Variants in DNAJC12 observed in about 807,000 individuals in gnomAD.
DNAJC12 encodes the protein DnaJ heat shock protein family (Hsp40) member C12.
A neutral mutation model predicts 28.5 loss-of-function variants in DNAJC12; 25 were observed. The observed-to-expected ratio is 0.88, with a 90% confidence interval of 0.64 to 1.22. DNAJC12 has a LOEUF of 1.22. DNAJC12 is among the 50% of genes most tolerant of loss of function. The pLI, the probability that DNAJC12 is intolerant of heterozygous loss-of-function variation, is 0.00. For missense variants in DNAJC12, 222 were observed against 231.7 expected (o/e 0.96, Z 0.27); for synonymous variants, 77 against 80.6 (o/e 0.95, Z 0.24).
At chr10:67,815,189 G>T (rs910834472) in intron 2 of DNAJC12, among the ~76,000 whole-genome samples, 8 of 152,176 alleles carry the variant, frequency 5.3e-5, no homozygotes, top group African/African-American at 1.9e-4. Context: ...GTTGATATGT[G>T]CTACAACATG....
intron 2 of DNAJC12, 23 bp downstream of exon 2, chr10:67,823,291 A>G: frequency 6.2e-7 from 1 of 1,606,434 alleles, no homozygotes; most frequent in Non-Finnish European, 8.5e-7. Context: ...TTTCTTGAGA[A>G]GTAGCCTTTA....
chr10:67,801,393 C>T (rs568073811), intron 4 of DNAJC12, among the ~76,000 whole-genome samples: 1 of 152,268 alleles, frequency 6.6e-6, no homozygotes, highest in East Asian at 1.9e-4. Context: ...AGCTTTAAGG[C>T]ACTAGTCAGA....
intron 3 of DNAJC12, among the ~76,000 whole-genome samples, chr10:67,807,478 T>C (rs997767052): frequency 2.0e-5 from 3 of 151,764 alleles, no homozygotes; most frequent in Non-Finnish European, 4.4e-5. Flanking sequence ...AAAGAGGCAA[T>C]GCCTCAGCTG....
intron 1 of DNAJC12, among the ~76,000 whole-genome samples, chr10:67,826,349 GT>G (rs1235497828): frequency 1.3e-5 from 2 of 151,068 alleles, no homozygotes; most frequent in African/African-American, 4.9e-5. Flanking sequence ...GTCCAGGCTG[GT>G]CTTGAACTCC....
rs1187518434 is a variant in DNAJC12, at chr10:67,826,765, TCTAATGATATATAATATATATCATTAG to T, written c.79-3400_79-3374del. ...AATATATATCATTATATATCTGATATCTAATGATATATAATATATATCATTAGATATCAGATATATAATGATATATAT... is the reference window on the plus strand; with the variant it reads ...AATATATATCATTATATATCTGATATATATCAGATATATAATGATATATAT... On this transcript the variant is annotated intron_variant, in intron 1 of 4. Transcript: ENST00000225171. 2.5e-5 allele frequency among the ~76,000 whole-genome samples: 3 copies of T among 118,460 alleles called. No individual in the cohort carries two copies. In the East Asian group the frequency reaches 7.0e-4, roughly 28 times the overall value. The allele number at this position is 118,460 out of a possible 152,430, so 77.7% of individuals were successfully genotyped here.
chr10:67,836,624 A>G (rs10762180), intron 1 of DNAJC12, among the ~76,000 whole-genome samples: 150,970 of 152,212 alleles, frequency 0.99, 74,890 homozygotes, highest in East Asian at 1. Flanking sequence ...ATAAACAAGA[A>G]TAACACATTC....
intron 1 of DNAJC12, among the ~76,000 whole-genome samples, chr10:67,830,084 C>T (rs780109769): frequency 1.3e-5 from 2 of 151,978 alleles, no homozygotes; most frequent in African/African-American, 4.8e-5. Flanking sequence ...GATGCTGAGG[C>T]GGGCAGATCA....
At position 67,805,573 on chromosome 10, in the gene DNAJC12, C is replaced by T. The variant is rs750587252; in HGVS notation, c.502+10G>A. On this transcript the variant is annotated intron_variant, in intron 4 of 4. Coordinates refer to ENST00000225171, the MANE Select transcript of DNAJC12 (RefSeq NM_021800.3). ...CCTTCTCCATTCTGCAGTTATATAA[C>T]GTGACTTACCTGAAGAATCTGAATT... 10 of 1,596,812 alleles carry T rather than the reference C, an allele frequency of 6.3e-6. No individual in the cohort carries two copies. The highest frequency in any genetic ancestry group is 5.7e-5 in the South Asian group (5 of 87,582).
intron 2 of DNAJC12, among the ~76,000 whole-genome samples, chr10:67,819,005 T>A (rs1167455136): frequency 6.6e-6 from 1 of 152,150 alleles, no homozygotes; most frequent in Admixed American, 6.5e-5. Flanking sequence ...TTAACTCCAG[T>A]TCAGACAGGT....
chr10:67,797,087 T>A lies in DNAJC12; in HGVS notation c.*29A>T. On this transcript the variant is annotated 3_prime_UTR_variant, in exon 5 of 5. Coordinates refer to ENST00000225171, the MANE Select transcript of DNAJC12 (RefSeq NM_021800.3). ...TTGGCAGCATAGGGGACAGTCTTGC[T>A]CTTCCTCATTTTTTGAAGCAGAGAT... 1 of 1,581,518 alleles carries A rather than the reference T, an allele frequency of 6.3e-7. No individual in the cohort carries two copies.
At chr10:67,821,775 C>T (rs191237003) in intron 2 of DNAJC12, among the ~76,000 whole-genome samples, 12 of 152,166 alleles carry the variant, frequency 7.9e-5, no homozygotes, top group African/African-American at 2.4e-4. Flanking sequence ...AGCAATGGCA[C>T]CCAGCATGAA....
chr10:67,814,220 T>C (rs1054576265), intron 2 of DNAJC12, among the ~76,000 whole-genome samples: 1 of 152,074 alleles, frequency 6.6e-6, no homozygotes, highest in Non-Finnish European at 1.5e-5. Context: ...TTACAGTCAA[T>C]TGATTTCAAC....
intron 2 of DNAJC12, 96 bp from the exon 3 acceptor site, chr10:67,811,759 A>C (rs995168946): frequency 8.3e-5 from 125 of 1,510,848 alleles, no homozygotes; most frequent in Non-Finnish European, 1.0e-4. Flanking sequence ...CATGACTGCC[A>C]CTTAATAGCT....
In DNAJC12 at chr10:67,819,683, AAAGAAAG is replaced by A. The variant is rs1169588910; in HGVS notation, c.157+3624_157+3630del. 3.5e-4 allele frequency among the ~76,000 whole-genome samples: 4 copies of A among 11,378 alleles called. 1 individual carries two copies. The East Asian group carries it at 5.5e-3, about 16-fold the overall frequency. 7.5% of individuals were successfully genotyped at this position (11,378 alleles called of 152,430 possible). A position where few individuals can be genotyped will look rare whatever the true frequency, so the allele number is the denominator to read the frequency against. On this transcript the variant is annotated intron_variant, in intron 2 of 4. Coordinates refer to ENST00000225171, the MANE Select transcript of DNAJC12 (RefSeq NM_021800.3). ...AAGAGAAAGAAAGAAAGAAAGAAAG[AAAGAAAG>A]AAAGAAAGGAAGGAAGGAAGGAAGG...
intron 4 of DNAJC12, among the ~76,000 whole-genome samples, chr10:67,804,188 C>T (rs115012451): frequency 0.023 from 3,449 of 152,240 alleles, 138 homozygotes; most frequent in African/African-American, 0.079. Flanking sequence ...TGTGTATATA[C>T]AACACATCCA....
At chr10:67,806,875 A>C (rs778734858) in intron 3 of DNAJC12, among the ~76,000 whole-genome samples, 39 of 151,614 alleles carry the variant, frequency 2.6e-4, no homozygotes, top group Non-Finnish European at 3.5e-4. Context: ...CCAAAATATA[A>C]CTGTAGTTAT....
intron 3 of DNAJC12, among the ~76,000 whole-genome samples, chr10:67,807,802 T>C (rs1007258856): frequency 3.9e-5 from 6 of 152,348 alleles, no homozygotes; most frequent in Admixed American, 6.5e-5. Flanking sequence ...GATTAATGTC[T>C]AATCCACAGT....
At chr10:67,797,611 AT>A (rs1004402293) in intron 4 of DNAJC12, among the ~76,000 whole-genome samples, 75 of 151,864 alleles carry the variant, frequency 4.9e-4, no homozygotes, top group Non-Finnish European at 8.0e-4. Context: ...TGGTAATAAG[AT>A]TTTTTTTTAG....
chr10:67,821,269 C>G (rs1841978584), intron 2 of DNAJC12, among the ~76,000 whole-genome samples: 1 of 152,008 alleles, frequency 6.6e-6, no homozygotes, highest in Admixed American at 6.5e-5. Flanking sequence ...GTAATCCCAG[C>G]ACTTTGGGAG....
Sources: allele counts gnomAD v4.1 joint callset (sites outside exome capture counted in the v4.1 genomes callset), GRCh38; gene constraint gnomAD v4.1.1; transcripts MANE v1.5; gene names NCBI Gene and HGNC (gene_info 2026-07-23, HGNC 2026-07-21).